Variants in FGGY observed in about 807,000 individuals in gnomAD.
FGGY encodes the protein FGGY carbohydrate kinase domain containing.
Under a neutral mutation model 71.3 loss-of-function variants are expected in FGGY, and 72 were observed. The observed-to-expected ratio is 1.01, with a 90% CI of 0.84 to 1.23. FGGY has a LOEUF of 1.23. FGGY is among the 50% of genes most tolerant of loss of function. The probability of loss-of-function intolerance (pLI) is 0.00; values close to 1 mark genes in which losing one functional copy is unlikely to be tolerated. For missense variants in FGGY, 668 were observed against 682.3 expected (o/e 0.98, Z 0.23); for synonymous variants, 251 against 250.3 (o/e 1.00, Z -0.02).
At chr1:59,476,128 A>G (rs1473351739) in intron 6 of FGGY, among the ~76,000 whole-genome samples, 1 of 152,142 alleles carries the variant, frequency 6.6e-6, no homozygotes, top group Non-Finnish European at 1.5e-5. Flanking sequence ...AAATATTCAC[A>G]TGGTCTACCT....
chr1:59,618,755 G>A (rs965202627), intron 9 of FGGY, among the ~76,000 whole-genome samples: 11 of 152,086 alleles, frequency 7.2e-5, no homozygotes, highest in African/African-American at 2.7e-4. Flanking sequence ...GAAAGAGAGA[G>A]AGAGAGAATA....
At chr1:59,488,838 G>A (rs1039706993) in intron 6 of FGGY, among the ~76,000 whole-genome samples, 1 of 151,828 alleles carries the variant, frequency 6.6e-6, no homozygotes, top group Admixed American at 6.6e-5. Flanking sequence ...AAGTCAAAAG[G>A]TATAAATTTT....
At chr1:59,538,286 A>G (rs1418113596) in intron 7 of FGGY, among the ~76,000 whole-genome samples, 1 of 151,198 alleles carries the variant, frequency 6.6e-6, no homozygotes, top group Admixed American at 6.6e-5. Context: ...AATCAAAACC[A>G]CAATGAGATA....
intron 7 of FGGY, among the ~76,000 whole-genome samples, chr1:59,540,169 A>C (rs1167747193): frequency 2.6e-5 from 4 of 152,236 alleles, no homozygotes; most frequent in Non-Finnish European, 5.9e-5. Flanking sequence ...TTGATGTGGA[A>C]ATATGACCAC....
At chr1:59,619,667 A>G (rs1269137628) in intron 9 of FGGY, among the ~76,000 whole-genome samples, 2 of 152,100 alleles carry the variant, frequency 1.3e-5, no homozygotes, top group Admixed American at 1.3e-4. Flanking sequence ...CAGAGAGGTG[A>G]TAGGGTCTAC....
At chr1:59,727,183 G>T (rs1284669966) in intron 14 of FGGY, among the ~76,000 whole-genome samples, 1 of 152,074 alleles carries the variant, frequency 6.6e-6, no homozygotes, top group African/African-American at 2.4e-5. Context: ...TAGGATAATG[G>T]CCTCCAGCTA....
At chr1:59,341,212 A>G (rs1404463773) in intron 3 of FGGY, among the ~76,000 whole-genome samples, 1 of 152,208 alleles carries the variant, frequency 6.6e-6, no homozygotes, top group Non-Finnish European at 1.5e-5. Flanking sequence ...AAGAATTTGA[A>G]TGAATCAGTA....
rs112305905 is a variant in FGGY at position 59,698,670 on chromosome 1, T to C, written c.1512+24537T>C. The C allele has an allele frequency of 1.5e-4, 129 of 841,334 alleles. 1 individual carries two copies. The African/African-American group carries it at 2.1e-3, about 13-fold the overall frequency. The allele number at this position is 841,334 out of a possible 1,614,324, so 52.1% of individuals were successfully genotyped here. A position where few individuals can be genotyped will look rare whatever the true frequency, so the allele number is the denominator to read the frequency against. ...TTGCTTCTGACCCACCTCTCCCCTT[T>C]CTTTTGATAAACAGGACAGCTGTCC... is the stretch of plus-strand genomic sequence containing the variant. On this transcript the variant is annotated intron_variant, in intron 14 of 15. Transcript: ENST00000303721.
intron 5 of FGGY, among the ~76,000 whole-genome samples, chr1:59,410,079 A>G (rs1034971362): frequency 6.6e-6 from 1 of 152,194 alleles, no homozygotes; most frequent in African/African-American, 2.4e-5. Context: ...GGCCATTGGT[A>G]TGAGGCCACT....
intron 1 of FGGY, among the ~76,000 whole-genome samples, chr1:59,316,687 A>G (rs950482741): frequency 1.3e-5 from 2 of 152,200 alleles, no homozygotes; most frequent in Admixed American, 1.3e-4. Context: ...TCTTTTGATC[A>G]TAAATAGGGG....
intron 5 of FGGY, among the ~76,000 whole-genome samples, chr1:59,430,523 G>A (rs1252191320): frequency 6.6e-6 from 1 of 152,090 alleles, no homozygotes; most frequent in Non-Finnish European, 1.5e-5. Context: ...GATTTTTTTA[G>A]GAGCAGTCTG....
intron 12 of FGGY, among the ~76,000 whole-genome samples, chr1:59,666,442 C>T (rs914860627): frequency 2.6e-5 from 4 of 152,142 alleles, no homozygotes; most frequent in Non-Finnish European, 5.9e-5. Flanking sequence ...AGTTTTTGAA[C>T]TTTCAAGTAA....
chr1:59,357,166 A>G (rs1236029608), intron 4 of FGGY, among the ~76,000 whole-genome samples: 1 of 152,194 alleles, frequency 6.6e-6, no homozygotes, highest in East Asian at 1.9e-4. Context: ...GCCTTCATCT[A>G]CCTGGACAGT....
At chr1:59,611,822 A>T (rs2096684087) in intron 9 of FGGY, among the ~76,000 whole-genome samples, 1 of 152,236 alleles carries the variant, frequency 6.6e-6, no homozygotes, top group South Asian at 2.1e-4. Flanking sequence ...ATGGAGCTGA[A>T]AACCATGGCA....
chr1:59,311,162 G>A (rs2044245860), intron 1 of FGGY, among the ~76,000 whole-genome samples: 1 of 152,112 alleles, frequency 6.6e-6, no homozygotes, highest in Admixed American at 6.5e-5. Flanking sequence ...CAGGACACAG[G>A]CAGCTTGGTT....
At chr1:59,696,170 G>A (rs1374517594) in intron 14 of FGGY, among the ~76,000 whole-genome samples, 1 of 152,044 alleles carries the variant, frequency 6.6e-6, no homozygotes, top group Non-Finnish European at 1.5e-5. Context: ...GCCAAAAATG[G>A]AGATAAAATA....
At chr1:59,553,822 T>C (rs771541005) in intron 7 of FGGY, 23 of 246,198 alleles carry the variant, frequency 9.3e-5, no homozygotes, top group Middle Eastern at 1.2e-3. Flanking sequence ...GCCTGGTATT[T>C]AGTGAGCAGA....
chr1:59,465,209 A>C (rs1208984978), intron 6 of FGGY, among the ~76,000 whole-genome samples: 4 of 152,238 alleles, frequency 2.6e-5, no homozygotes, highest in Non-Finnish European at 5.9e-5. Context: ...GGTTCCACAT[A>C]TGCAAATTAA....
At chr1:59,387,370 A>T (rs975695799) in intron 5 of FGGY, among the ~76,000 whole-genome samples, 1 of 152,106 alleles carries the variant, frequency 6.6e-6, no homozygotes. Context: ...CAATTTTGTC[A>T]AGGGTTTGGG....
Sources: allele counts gnomAD v4.1 joint callset (sites outside exome capture counted in the v4.1 genomes callset), GRCh38; gene constraint gnomAD v4.1.1; transcripts MANE v1.5; gene names NCBI Gene and HGNC (gene_info 2026-07-23, HGNC 2026-07-21).